CTNNA2: variants seen among roughly 807,000 people sequenced by gnomAD.
The protein encoded by CTNNA2 is catenin alpha 2, also known as catenin alpha-2.
A neutral mutation model predicts 101.0 loss-of-function variants in CTNNA2; 42 were observed. The observed-to-expected ratio is 0.42, with a 90% CI of 0.32 to 0.54. The LOEUF is 0.54. Among genes scored for constraint, CTNNA2 ranks in the 20% least tolerant of loss-of-function variants. CTNNA2 has a pLI of 0.14. For synonymous variants in CTNNA2, 450 were observed against 456.4 expected, an observed-to-expected ratio of 0.99 and a Z score of 0.18; for missense variants, 871 against 1,223.1, an observed-to-expected ratio of 0.71 and a Z score of 4.29.
At chr2:79,671,343 G>T (rs758168515) in intron 2 of CTNNA2, among the ~76,000 whole-genome samples, 28 of 152,212 alleles carry the variant, frequency 1.8e-4, no homozygotes, top group Non-Finnish European at 4.0e-4. Flanking sequence ...TTTCATGCTA[G>T]TACCACCTTC....
chr2:80,185,361 T>C (rs1706053273), intron 7 of CTNNA2, among the ~76,000 whole-genome samples: 1 of 152,166 alleles, frequency 6.6e-6, no homozygotes, highest in East Asian at 1.9e-4. Flanking sequence ...TCTTTTGTAA[T>C]GTAATCTCAG....
chr2:80,290,402 A>G (rs927428623), intron 7 of CTNNA2, among the ~76,000 whole-genome samples: 5 of 151,970 alleles, frequency 3.3e-5, no homozygotes, highest in Admixed American at 3.3e-4. Flanking sequence ...TTCCCCAGTG[A>G]TTACCGTGGG....
intron 3 of CTNNA2, among the ~76,000 whole-genome samples, chr2:79,340,725 T>G (rs899621494): frequency 2.1e-5 from 3 of 143,614 alleles, no homozygotes; most frequent in Non-Finnish European, 4.5e-5. Context: ...TCCCAGCTAC[T>G]GGGGAGGCTG....
At chr2:79,685,166 C>T (rs1683850067) in intron 2 of CTNNA2, among the ~76,000 whole-genome samples, 1 of 151,718 alleles carries the variant, frequency 6.6e-6, no homozygotes, top group Non-Finnish European at 1.5e-5. Context: ...TTTCTTATGC[C>T]AGCATATCAT....
chr2:79,913,528 G>A (rs1685958832), intron 7 of CTNNA2, among the ~76,000 whole-genome samples: 1 of 152,142 alleles, frequency 6.6e-6, no homozygotes, highest in Non-Finnish European at 1.5e-5. Flanking sequence ...AGTGAAAAAT[G>A]CCATGATTCA....
At chr2:79,216,363 G>T (rs1413774218) in intron 2 of CTNNA2, among the ~76,000 whole-genome samples, 1 of 151,770 alleles carries the variant, frequency 6.6e-6, no homozygotes, top group Non-Finnish European at 1.5e-5. Flanking sequence ...GGGGTTTGGG[G>T]GTTCTTACCC....
chr2:80,498,125 C>A (rs1255536902), intron 9 of CTNNA2, among the ~76,000 whole-genome samples: 1 of 152,234 alleles, frequency 6.6e-6, no homozygotes, highest in African/African-American at 2.4e-5. Context: ...AAACAACAAA[C>A]AAACAACAAC....
chr2:80,166,690 G>A (rs1704720068), intron 7 of CTNNA2, among the ~76,000 whole-genome samples: 1 of 152,198 alleles, frequency 6.6e-6, no homozygotes. Flanking sequence ...ACAGGTCACA[G>A]TCTGGGGCTT....
At chr2:79,821,194 A>G (rs1174921402) in intron 3 of CTNNA2, among the ~76,000 whole-genome samples, 2 of 152,048 alleles carry the variant, frequency 1.3e-5, no homozygotes, top group Non-Finnish European at 2.9e-5. Flanking sequence ...TCATTTATCT[A>G]TTGTGCTTTA....
At chr2:79,870,786 G>A (rs1266184439) in intron 5 of CTNNA2, among the ~76,000 whole-genome samples, 1 of 152,064 alleles carries the variant, frequency 6.6e-6, no homozygotes, top group Non-Finnish European at 1.5e-5. Flanking sequence ...TCAGACCCCC[G>A]TGGGAACTCA....
At position 80,558,480 on chromosome 2, in the gene CTNNA2, GTGTGTGTA is replaced by G. The variant is rs1234258363; in HGVS notation, c.1741+2589_1741+2596del. 5.2e-3 allele frequency among the ~76,000 whole-genome samples: 645 copies of G among 123,590 alleles called. 4 individuals are homozygous for G. Among genetic ancestry groups the G allele is most frequent in the Non-Finnish European group, 7.1e-3 (361 of 50,582 alleles). 81.1% of individuals were successfully genotyped at this position (123,590 alleles called of 152,430 possible). A position where few individuals can be genotyped will look rare whatever the true frequency, so the allele number is the denominator to read the frequency against. On this transcript the variant is annotated intron_variant, in intron 12 of 18. Coordinates refer to ENST00000402739, the MANE Select transcript of CTNNA2 (RefSeq NM_001282597.3). ...TGTGTATATATGTGTGTGTGTGTGTGTGTGTGTATATATATATGTTGTCTAAAGTGATT... is the reference window on the plus strand; with the variant it reads ...TGTGTATATATGTGTGTGTGTGTGTGTATATATATGTTGTCTAAAGTGATT...
intron 2 of CTNNA2, among the ~76,000 whole-genome samples, chr2:79,300,441 C>G (rs1041256490): frequency 6.6e-6 from 1 of 152,126 alleles, no homozygotes; most frequent in Non-Finnish European, 1.5e-5. Context: ...CTCAGAGACC[C>G]TAAAGAAGAA....
At chr2:79,996,657 G>A (rs1349758358) in intron 7 of CTNNA2, among the ~76,000 whole-genome samples, 2 of 152,124 alleles carry the variant, frequency 1.3e-5, no homozygotes, top group African/African-American at 4.8e-5. Flanking sequence ...AGCCAGAATT[G>A]AGCCCCTTTG....
intron 2 of CTNNA2, among the ~76,000 whole-genome samples, chr2:79,704,940 A>G (rs771522806): frequency 1.4e-5 from 2 of 145,454 alleles, no homozygotes; most frequent in South Asian, 2.2e-4. Context: ...GCTCGAAAGT[A>G]TGGGAAACTT....
intron 7 of CTNNA2, among the ~76,000 whole-genome samples, chr2:80,001,565 G>A (rs954850137): frequency 1.3e-5 from 2 of 152,168 alleles, no homozygotes; most frequent in Admixed American, 6.5e-5. Context: ...TTCTCCTGGG[G>A]ATTAGTCTAA....
In CTNNA2 at chr2:79,522,510, G is replaced by A. The variant is rs543101399; in HGVS notation, c.-6+9303G>A. 9.2e-5 allele frequency among the ~76,000 whole-genome samples: 14 copies of A among 152,288 alleles called. No individual in the cohort carries two copies. In the East Asian group the frequency reaches 9.7e-4, roughly 11 times the overall value. On this transcript the variant is annotated intron_variant, in intron 1 of 18. Transcript: ENST00000402739. ...AGTGTGGTACTGATGCCACAGTGGC[G>A]TGGGGCAAAAATCCAGGCTGACACA...
chr2:79,246,924 G>A (rs1203468340), intron 2 of CTNNA2, among the ~76,000 whole-genome samples: 4 of 152,216 alleles, frequency 2.6e-5, no homozygotes, highest in Non-Finnish European at 4.4e-5. Context: ...GTCCATAGTT[G>A]GACGTCTTAA....
chr2:79,704,760 G>C (rs1017045959), intron 2 of CTNNA2, among the ~76,000 whole-genome samples: 1 of 151,836 alleles, frequency 6.6e-6, no homozygotes, highest in Non-Finnish European at 1.5e-5. Context: ...TCATCCACCC[G>C]CCTCGGCCTC....
chr2:80,349,027 A>G (rs974247502), intron 7 of CTNNA2, among the ~76,000 whole-genome samples: 1 of 152,204 alleles, frequency 6.6e-6, no homozygotes, highest in Non-Finnish European at 1.5e-5. Context: ...TGTAAAGGAC[A>G]AATGGATTAA....
Sources: gnomAD v4.1 joint callset for allele counts (sites outside exome capture counted in the v4.1 genomes callset) on GRCh38, gnomAD v4.1.1 for gene constraint, MANE v1.5 for transcripts, NCBI Gene and HGNC (gene_info 2026-07-23, HGNC 2026-07-21) for gene names.